Variants in MYBL2 observed in about 807,000 individuals in gnomAD.
MYBL2 encodes the protein MYB proto-oncogene like 2.
In MYBL2, 28 loss-of-function variants were observed where a neutral mutation model predicts 79.9. The ratio of observed to expected loss-of-function variants is 0.35; its 90% CI spans 0.26 to 0.48. The LOEUF is 0.48. Among genes scored for constraint, MYBL2 ranks in the 20% least tolerant of loss-of-function variants. The pLI is 0.99. For missense variants in MYBL2, 735 were observed against 893.9 expected (o/e 0.82, Z 2.27); for synonymous variants, 378 against 361.2 (o/e 1.05, Z -0.53).
chr20:43,712,133 C>T (rs1369088561), intron 11 of MYBL2, among the ~76,000 whole-genome samples: 1 of 151,910 alleles, frequency 6.6e-6, no homozygotes, highest in Non-Finnish European at 1.5e-5. Flanking sequence ...TGCAGGGGCT[C>T]CTGGGCAGGG....
At chr20:43,690,929 C>T (rs971985983) in intron 5 of MYBL2, among the ~76,000 whole-genome samples, 17 of 152,188 alleles carry the variant, frequency 1.1e-4, no homozygotes, top group Admixed American at 9.2e-4. Context: ...TTTTGTGGTA[C>T]TATCCCGTCC....
At chr20:43,688,336 G>A (rs1218116006) in intron 5 of MYBL2, among the ~76,000 whole-genome samples, 2 of 151,898 alleles carry the variant, frequency 1.3e-5, no homozygotes, top group Non-Finnish European at 2.9e-5. Flanking sequence ...CAAGTAGCTG[G>A]GACTACAGGT....
At chr20:43,691,241 G>A (rs1194669167) in intron 5 of MYBL2, among the ~76,000 whole-genome samples, 1 of 152,152 alleles carries the variant, frequency 6.6e-6, no homozygotes, top group African/African-American at 2.4e-5. Context: ...CTACACATTC[G>A]AAGTGGGCAG....
At position 43,699,747 on chromosome 20, in the gene MYBL2, T is replaced by C. The variant is rs1987637415; in HGVS notation, c.664-10T>C. On this transcript the variant is annotated splice_polypyrimidine_tract_variant and intron_variant, in intron 6 of 13. Coordinates refer to ENST00000217026, the MANE Select transcript of MYBL2 (RefSeq NM_002466.4). ...GCGAAATGCAAATGGTGTATTCTTG[T>C]GTCTTACAGGGAAGTCTTCTGACCA... 1.2e-6 allele frequency: 2 copies of C among 1,613,570 alleles called. No homozygotes were observed. The highest frequency in any genetic ancestry group is 8.5e-7 in the Non-Finnish European group (1 of 1,179,852).
Position 43,686,844 on chromosome 20 carries a change from T to C in MYBL2, c.280-8T>C. On this transcript the variant is annotated splice_polypyrimidine_tract_variant and splice_region_variant and intron_variant, in intron 4 of 13. Transcript: ENST00000217026. ...GTGCAAGTGGCTACCCAGAGACTTT[T>C]CTCTAAGGTCATCGAGCTGGTTAAG... The C allele has an allele frequency of 1.2e-6, 2 of 1,613,712 alleles. No individual in the cohort carries two copies. The highest frequency in any genetic ancestry group is 1.7e-6 in the Non-Finnish European group (2 of 1,179,738).
chr20:43,712,890 T>C (rs1272344555), intron 11 of MYBL2, 112 bp from the exon 12 acceptor site: 1 of 789,808 alleles, frequency 1.3e-6, no homozygotes, highest in Non-Finnish European at 2.1e-6. Context: ...GCTCCAAGTC[T>C]GCACTGCAGC....
intron 9 of MYBL2, among the ~76,000 whole-genome samples, chr20:43,707,776 G>A (rs1050773213): frequency 1.3e-5 from 2 of 151,788 alleles, no homozygotes; most frequent in African/African-American, 2.4e-5. Flanking sequence ...TTTCCCCCCC[G>A]GCTTTCATAT....
intron 12 of MYBL2, among the ~76,000 whole-genome samples, chr20:43,714,392 G>A (rs969688434): frequency 9.9e-5 from 15 of 152,128 alleles, no homozygotes; most frequent in Non-Finnish European, 5.9e-5. Flanking sequence ...CAAAGCCAAC[G>A]TTATTGAGTA....
At position 43,673,917 on chromosome 20, in the gene MYBL2, G is replaced by C. The variant is rs1348876301; in HGVS notation, c.114+18G>C. On this transcript the variant is annotated intron_variant, in intron 2 of 13. Coordinates refer to ENST00000217026, the MANE Select transcript of MYBL2 (RefSeq NM_002466.4). ...ATGAGGAGGTGAGTGCCATGGGGAA[G>C]AGAGGGTTGATGGCAGCTGGGGGCT... is the stretch of plus-strand genomic sequence containing the variant. 3 of 1,548,876 alleles carry C rather than the reference G, an allele frequency of 1.9e-6. No individual in the cohort carries two copies. The Admixed American group carries it at 5.9e-5, about 30-fold the overall frequency.
intron 2 of MYBL2, among the ~76,000 whole-genome samples, chr20:43,678,095 T>G (rs1256849440): frequency 6.6e-6 from 1 of 150,412 alleles, no homozygotes; most frequent in Non-Finnish European, 1.5e-5. Flanking sequence ...AAACAGACGC[T>G]TGAAGGCAGC....
In MYBL2 at chr20:43,716,197, C is replaced by T; in HGVS notation, c.*110C>T. 6.6e-7 allele frequency: 1 copy of T among 1,526,480 alleles called. No homozygotes were observed. The highest frequency in any genetic ancestry group is 1.2e-5 in the South Asian group (1 of 85,856). The allele number at this position is 1,526,480 out of a possible 1,614,324, so 94.6% of individuals were successfully genotyped here. ...GTGACCTCCTGCAGGGAGCCTTCTG[C>T]CACCAGCCCCTCCCCAGACTCTCAG... is the stretch of plus-strand genomic sequence containing the variant. On this transcript the variant is annotated 3_prime_UTR_variant, in exon 14 of 14. Coordinates refer to ENST00000217026, the MANE Select transcript of MYBL2 (RefSeq NM_002466.4).
chr20:43,687,564 ACT>A (rs747399536), intron 5 of MYBL2, among the ~76,000 whole-genome samples: 7 of 151,972 alleles, frequency 4.6e-5, no homozygotes, highest in Middle Eastern at 3.2e-3. Context: ...CTGTTAAATG[ACT>A]CTACTAAAAC....
At chr20:43,686,672 C>T (rs1280664830) in intron 4 of MYBL2, among the ~76,000 whole-genome samples, 180 bp from the exon 5 acceptor site, 1 of 152,102 alleles carries the variant, frequency 6.6e-6, no homozygotes, top group African/African-American at 2.4e-5. Context: ...TCAGGTAGGC[C>T]CTGTGGGCTA....
In MYBL2 at chr20:43,705,201, C is replaced by G; in HGVS notation, c.1366-18C>G. ...GCAGGTCATCATTTTGTCTTGTTCCCTCTCTCTTCTTTGGCAGTTTCTGAA... is the reference window on the plus strand; with the variant it reads ...GCAGGTCATCATTTTGTCTTGTTCCGTCTCTCTTCTTTGGCAGTTTCTGAA... On this transcript the variant is annotated intron_variant, in intron 8 of 13. Coordinates refer to ENST00000217026, the MANE Select transcript of MYBL2 (RefSeq NM_002466.4). 6.2e-7 allele frequency: 1 copy of G among 1,612,902 alleles called. No homozygotes were observed. Among genetic ancestry groups the G allele is most frequent in the South Asian group, 1.1e-5 (1 of 90,786 alleles).
rs1310677258 is a variant in MYBL2, at chr20:43,682,323, CT to C, written c.186+469del. 2.6e-5 allele frequency among the ~76,000 whole-genome samples: 4 copies of C among 151,974 alleles called. No individual in the cohort carries two copies. In the East Asian group the frequency reaches 5.8e-4, roughly 22 times the overall value. On this transcript the variant is annotated intron_variant, in intron 3 of 13. Coordinates refer to ENST00000217026, the MANE Select transcript of MYBL2 (RefSeq NM_002466.4). ...ACCTCCTTCTCAGGCCCTCCCACCC[CT>C]GACCCACAGGTGTCTGGGAGGGAGG...
At chr20:43,710,208 T>C (rs1173327624) in intron 10 of MYBL2, 146 bp downstream of exon 10, 3 of 672,870 alleles carry the variant, frequency 4.5e-6, no homozygotes, top group East Asian at 6.5e-5. Flanking sequence ...ATAATATAAA[T>C]GGGGAAGCTG....
chr20:43,684,872 C>T (rs1370484410), intron 4 of MYBL2, among the ~76,000 whole-genome samples: 22 of 150,290 alleles, frequency 1.5e-4, no homozygotes, highest in African/African-American at 4.1e-4. Flanking sequence ...AACACCTGGG[C>T]GTGGTGGCTC....
chr20:43,715,204 A>G lies in MYBL2; in HGVS notation c.1895A>G (p.Asn632Ser). 2 of 1,614,226 alleles carry G rather than the reference A, an allele frequency of 1.2e-6. No individual in the cohort carries two copies. Among genetic ancestry groups the G allele is most frequent in the Non-Finnish European group, 1.7e-6 (2 of 1,180,044 alleles). The change falls in exon 13 of 14, where the codon AAC (asparagine) becomes AGC (serine). Residue 632 changes from asparagine to serine, a missense_variant. By Grantham distance (46) the Asn-to-Ser change is conservative (BLOSUM62 1). This residue lies in a region of MYBL2 where 204 missense variants were observed against 202.9 expected (regional missense o/e 1.01). Transcript: ENST00000217026. The stretch of plus-strand genomic sequence containing the variant: ...ATCAAAGAAGACAACAGCTTGCTCA[A>G]CCAGGGCTTCTTGCAGGCCAAGCCC... ...SGIKEDNSLL[N>S]QGFLQAKPEK...
At chr20:43,705,470 C>CTGAA in intron 9 of MYBL2, 112 bp downstream of exon 9, 1 of 1,250,312 alleles carries the variant, frequency 8.0e-7, no homozygotes, top group Admixed American at 3.6e-5. Flanking sequence ...TGGAATAACA[C>CTGAA]TGAAGACTGT....
Sources: allele counts gnomAD v4.1 joint callset (sites outside exome capture counted in the v4.1 genomes callset), GRCh38; gene constraint gnomAD v4.1.1; regional missense constraint gnomAD v4.1.1; transcripts MANE v1.5; gene names NCBI Gene and HGNC (gene_info 2026-07-23, HGNC 2026-07-21).